The following WNT16 variants were observed in gnomAD, a reference collection of about 807,000 sequenced individuals.
WNT16 encodes the protein Wnt family member 16.
WNT16 carries 20 observed loss-of-function variants against 35.4 expected under a neutral mutation model. The ratio of observed to expected loss-of-function variants is 0.56; its 90% confidence interval spans 0.40 to 0.82. The LOEUF is 0.82. WNT16 is among the 40% of genes least tolerant of loss of function. The pLI is 0.00. For missense variants in WNT16, 461 were observed against 466.0 expected (o/e 0.99, Z 0.10); for synonymous variants, 180 against 179.2 (o/e 1.00, Z -0.03).
In WNT16 at chr7:121,329,815, G is replaced by C. The variant is rs779884769; in HGVS notation, c.344G>C (p.Ser115Thr). The C allele has an allele frequency of 1.2e-6, 2 of 1,601,746 alleles. No homozygotes were observed. Among genetic ancestry groups the C allele is most frequent in the Middle Eastern group, 1.9e-4 (1 of 5,346 alleles). Residue 115 changes from serine to threonine, a missense_variant and splice_region_variant, in exon 2 of 4, where the codon AGC becomes ACC. Transcript: ENST00000222462. ...CCCCTCTTTGGCTACGAGCTGAGCA[G>C]CGGTGAGTCCTGGGTCCTTAGGGGT... ...ASPLFGYELS[S>T]GTKETAFIYA...
rs2116830578 is a variant in WNT16, at chr7:121,329,097, T to C, written c.-196T>C. 1.5e-6 allele frequency: 2 copies of C among 1,331,426 alleles called. No individual in the cohort carries two copies. Among genetic ancestry groups the C allele is most frequent in the Non-Finnish European group, 1.9e-6 (2 of 1,042,478 alleles). The allele number at this position is 1,331,426 out of a possible 1,614,324, so 82.5% of individuals were successfully genotyped here. The stretch of plus-strand genomic sequence containing the variant: ...GGAGATCCCCAGGCTGCTCTCTCCA[T>C]CTCTCCTACAGCTCCCTGCAAACGA... On this transcript the variant is annotated 5_prime_UTR_variant, in exon 1 of 4. Coordinates refer to ENST00000222462, the MANE Select transcript of WNT16 (RefSeq NM_057168.2).
At chr7:121,333,038 T>G (rs1328825638) in intron 3 of WNT16, among the ~76,000 whole-genome samples, 3 of 152,052 alleles carry the variant, frequency 2.0e-5, no homozygotes, top group African/African-American at 7.2e-5. Context: ...ATCTTTTATA[T>G]GAATATATAT....
Position 121,336,930 on chromosome 7 carries a change from G to A in WNT16, c.634-1951G>A, listed in dbSNP as rs147331099. Among the ~76,000 whole-genome samples, 4 of 152,260 alleles carry A rather than the reference G, an allele frequency of 2.6e-5. No individual in the cohort carries two copies. In the East Asian group the frequency reaches 7.7e-4, roughly 29 times the overall value. On this transcript the variant is annotated intron_variant, in intron 3 of 3. Coordinates refer to ENST00000222462, the MANE Select transcript of WNT16 (RefSeq NM_057168.2). ...CAGCTTAAACATGGAAACATACATTGTTATGTTTTTAGTGTTCTTTGGACA... is the reference window on the plus strand; with the variant it reads ...CAGCTTAAACATGGAAACATACATTATTATGTTTTTAGTGTTCTTTGGACA...
At chr7:121,336,945 T>G (rs2116842267) in intron 3 of WNT16, among the ~76,000 whole-genome samples, 1 of 152,334 alleles carries the variant, frequency 6.6e-6, no homozygotes. Context: ...GTTTTTAGTG[T>G]TCTTTGGACA....
chr7:121,329,693 C>A lies in WNT16; in HGVS notation c.222C>A (p.Ala74=). ...TGCTGCCGAGCATCCGAGAGGGCGC[C>A]CGGCTGGGCATTCAGGAGTGCGGGA... The part of the protein sequence containing the change: ...PYLLPSIREG[A]RLGIQECGSQ... The change falls in exon 2 of 4, where the codon GCC becomes GCA. Residue 74 remains alanine, a synonymous_variant. Transcript: ENST00000222462. 6.2e-7 allele frequency: 1 copy of A among 1,613,766 alleles called. No homozygotes were observed.
chr7:121,333,695 A>C (rs1296452996), intron 3 of WNT16, among the ~76,000 whole-genome samples: 1 of 152,034 alleles, frequency 6.6e-6, no homozygotes, highest in East Asian at 1.9e-4. Context: ...CCTAGAGATA[A>C]GATTATTCAA....
At chr7:121,328,265 C>T (rs767544780), upstream of WNT16, among the ~76,000 whole-genome samples, 1 of 152,142 alleles carries the variant, frequency 6.6e-6, no homozygotes, top group Non-Finnish European at 1.5e-5. Context: ...AAGATCAGAG[C>T]ACATCTCTCA....
At chr7:121,337,008 G>C (rs1311955169) in intron 3 of WNT16, among the ~76,000 whole-genome samples, 1 of 152,046 alleles carries the variant, frequency 6.6e-6, no homozygotes, top group African/African-American at 2.4e-5. Context: ...GTAAACTTTG[G>C]GAGCTTAAAA....
At chr7:121,335,808 C>T (rs1021784749) in intron 3 of WNT16, among the ~76,000 whole-genome samples, 6 of 151,924 alleles carry the variant, frequency 3.9e-5, no homozygotes, top group African/African-American at 1.5e-4. Context: ...ACCAGCTTTC[C>T]TTATGTAAGA....
chr7:121,331,456 A>T (rs1306891415), intron 2 of WNT16, among the ~76,000 whole-genome samples: 1 of 151,850 alleles, frequency 6.6e-6, no homozygotes, highest in African/African-American at 2.4e-5. Flanking sequence ...ATGACCATAC[A>T]GTATATGACA....
chr7:121,327,349 CTTTTTT>C (rs34420179), upstream of WNT16, among the ~76,000 whole-genome samples: 9 of 121,550 alleles, frequency 7.4e-5, no homozygotes, highest in Non-Finnish European at 1.3e-4. Flanking sequence ...CTATCTAATC[CTTTTTT>C]TTTTTTTTTT....
chr7:121,333,182 C>T (rs1158792497), intron 3 of WNT16, among the ~76,000 whole-genome samples: 3 of 151,896 alleles, frequency 2.0e-5, no homozygotes, highest in Non-Finnish European at 4.4e-5. Context: ...ATAAATAAAA[C>T]AAATTGCAAT....
chr7:121,328,950 G>T (rs118178099), upstream of WNT16: 43 of 916,828 alleles, frequency 4.7e-5, no homozygotes, highest in Middle Eastern at 4.6e-4. Flanking sequence ...GCGCGGCCAG[G>T]GGGAGGAGAT....
Position 121,339,608 on chromosome 7 carries a change from CA to C in WNT16, c.*265del. On this transcript the variant is annotated 3_prime_UTR_variant, in exon 4 of 4. Transcript: ENST00000222462. Reference sequence around the variant, plus strand: ...GATTTGGGGAATATATATTGACATACAAGGAAGATAATCTGTTTCCTAAGCA... The same window carrying C: ...GATTTGGGGAATATATATTGACATACAGGAAGATAATCTGTTTCCTAAGCA... 1 of 472,138 alleles carries C rather than the reference CA, an allele frequency of 2.1e-6. No individual in the cohort carries two copies. The highest frequency in any genetic ancestry group is 6.1e-5 in the South Asian group (1 of 16,364). The allele number at this position is 472,138 out of a possible 1,614,324, so 29.2% of individuals were successfully genotyped here.
chr7:121,331,640 G>A, intron 2 of WNT16, 38 bp from the exon 3 acceptor site: 2 of 1,586,020 alleles, frequency 1.3e-6, no homozygotes, highest in Non-Finnish European at 8.6e-7. Context: ...AACAGAAGTT[G>A]CCTGGTTCTC....
Position 121,329,733 on chromosome 7 carries a change from G to A in WNT16, c.262G>A (p.Glu88Lys), listed in dbSNP as rs749225268. 1 of 1,612,042 alleles carries A rather than the reference G, an allele frequency of 6.2e-7. No homozygotes were observed. Among genetic ancestry groups the A allele is most frequent in the Middle Eastern group, 1.7e-4 (1 of 6,036 alleles). ...IQECGSQFRH[E>K]RWNCMITAAA... ...GGAGTGCGGGAGCCAGTTCAGACAC[G>A]AGAGATGGAACTGCATGATCACCGC... is the stretch of plus-strand genomic sequence containing the variant. Residue 88 changes from glutamate to lysine, a missense_variant, in exon 2 of 4, where the codon GAG becomes AAG. Glu to Lys is a moderately conservative substitution (Grantham distance 56). Coordinates refer to ENST00000222462, the MANE Select transcript of WNT16 (RefSeq NM_057168.2).
chr7:121,330,714 GAAAAAAAAA>G (rs11371537), intron 2 of WNT16, among the ~76,000 whole-genome samples: 34 of 88,186 alleles, frequency 3.9e-4, no homozygotes, highest in East Asian at 3.2e-3. Flanking sequence ...CCCGTAGAGA[GAAAAAAAAA>G]AAAAAAAAAA....
intron 2 of WNT16, among the ~76,000 whole-genome samples, chr7:121,330,701 G>C (rs904292953): frequency 1.5e-5 from 2 of 131,878 alleles, no homozygotes; most frequent in Admixed American, 1.6e-4. Context: ...AGGAGCCCTG[G>C]TCCCCGTAGA....
At chr7:121,327,634 GCCACTGCA>G (rs1294620329), upstream of WNT16, among the ~76,000 whole-genome samples, 2 of 152,132 alleles carry the variant, frequency 1.3e-5, no homozygotes, top group Non-Finnish European at 2.9e-5. Context: ...ACAGGTGTGA[GCCACTGCA>G]CCTGGCCCCA....
Sources: allele counts gnomAD v4.1 joint callset (sites outside exome capture counted in the v4.1 genomes callset), GRCh38; gene constraint gnomAD v4.1.1; transcripts MANE v1.5; gene names NCBI Gene and HGNC (gene_info 2026-07-23, HGNC 2026-07-21).